Variants in LRRTM4 observed in about 807,000 individuals in gnomAD.
LRRTM4 encodes leucine-rich repeat transmembrane neuronal protein 4.
A neutral mutation model predicts 47.6 loss-of-function variants in LRRTM4; 25 were observed. The ratio of observed to expected loss-of-function variants is 0.53; its 90% CI spans 0.38 to 0.73. The LOEUF (loss-of-function observed/expected upper bound fraction) is 0.73, where lower values mean the gene tolerates loss of function less well. LRRTM4 is among the 30% of genes least tolerant of loss of function. LRRTM4 has a pLI of 0.00. For synonymous variants in LRRTM4, 311 were observed against 269.5 expected, an observed-to-expected ratio of 1.15 and a Z score of -1.51; for missense variants, 638 against 713.4, an observed-to-expected ratio of 0.89 and a Z score of 1.20.
rs777467809 is a variant in LRRTM4 at position 77,241,239 on chromosome 2, CACACACAT to C, written c.1551+277071_1551+277078del. Among the ~76,000 whole-genome samples the C allele has an allele frequency of 2.8e-3, 99 of 35,860 alleles. 2 individuals are homozygous for C. The highest frequency in any genetic ancestry group is 4.5e-3 in the Non-Finnish European group (62 of 13,756). The allele number at this position is 35,860 out of a possible 152,430, so 23.5% of individuals were successfully genotyped here. ...ACACACACACACACACACACACACA[CACACACAT>C]GGGTCTAGAAACAAACCTAAATATA... is the stretch of plus-strand genomic sequence containing the variant. On this transcript the variant is annotated intron_variant, in intron 3 of 3. Coordinates refer to ENST00000409884, the MANE Select transcript of LRRTM4 (RefSeq NM_001134745.3).
chr2:77,088,970 T>G (rs1680826942), intron 3 of LRRTM4, among the ~76,000 whole-genome samples: 1 of 152,006 alleles, frequency 6.6e-6, no homozygotes, highest in Admixed American at 6.6e-5. Context: ...GGAGACACGT[T>G]TTATCCGTGG....
At chr2:77,227,330 T>G (rs888780994) in intron 3 of LRRTM4, among the ~76,000 whole-genome samples, 6 of 152,036 alleles carry the variant, frequency 3.9e-5, no homozygotes, top group African/African-American at 1.4e-4. Context: ...TGAAATAAAT[T>G]TAGCACTAAT....
intron 3 of LRRTM4, among the ~76,000 whole-genome samples, chr2:76,936,154 C>A (rs1381197570): frequency 1.3e-5 from 2 of 152,090 alleles, no homozygotes; most frequent in Non-Finnish European, 2.9e-5. Flanking sequence ...TTTATTGTGG[C>A]ACTGTTCACA....
chr2:77,115,903 A>G (rs1181281181), intron 3 of LRRTM4, among the ~76,000 whole-genome samples: 1 of 151,934 alleles, frequency 6.6e-6, no homozygotes, highest in Non-Finnish European at 1.5e-5. Flanking sequence ...TGTTTTTCCT[A>G]TTCCCCCAGT....
intron 3 of LRRTM4, among the ~76,000 whole-genome samples, chr2:77,378,650 G>A (rs1291210769): frequency 6.6e-6 from 1 of 152,104 alleles, no homozygotes; most frequent in Non-Finnish European, 1.5e-5. Context: ...CTGTGATTGA[G>A]GTAACTTCAC....
intron 3 of LRRTM4, among the ~76,000 whole-genome samples, chr2:76,779,720 G>C (rs1398242225): frequency 1.3e-5 from 2 of 151,996 alleles, no homozygotes; most frequent in Admixed American, 6.6e-5. Context: ...TATCCAATTT[G>C]CCAGTCTGTG....
intron 3 of LRRTM4, among the ~76,000 whole-genome samples, chr2:76,899,694 G>A (rs1673555599): frequency 6.6e-6 from 1 of 152,102 alleles, no homozygotes; most frequent in Non-Finnish European, 1.5e-5. Context: ...TAGGAATATT[G>A]ATAGACTTTA....
chr2:77,404,230 C>G (rs983902714), intron 3 of LRRTM4, among the ~76,000 whole-genome samples: 46 of 151,890 alleles, frequency 3.0e-4, no homozygotes, highest in African/African-American at 1.1e-3. Context: ...ATATAGTCAC[C>G]TAACTAATTT....
chr2:77,022,934 C>T (rs746648275), intron 3 of LRRTM4, among the ~76,000 whole-genome samples: 2 of 152,208 alleles, frequency 1.3e-5, no homozygotes, highest in South Asian at 4.1e-4. Context: ...AGTAGGGACT[C>T]TGTGTGAGGG....
chr2:77,069,858 T>C (rs1220399054), intron 3 of LRRTM4, among the ~76,000 whole-genome samples: 1 of 152,202 alleles, frequency 6.6e-6, no homozygotes, highest in Non-Finnish European at 1.5e-5. Flanking sequence ...TAGTTATTCT[T>C]TGCCCAGCTT....
chr2:77,311,024 GGT>G (rs1240650466), intron 3 of LRRTM4, among the ~76,000 whole-genome samples: 2 of 150,976 alleles, frequency 1.3e-5, no homozygotes, highest in East Asian at 1.9e-4. Context: ...TTATGTGTGT[GGT>G]GTGTGTGTGT....
In LRRTM4 at chr2:76,892,246, T is replaced by C. The variant is rs903801298; in HGVS notation, c.1552-143330A>G. On this transcript the variant is annotated intron_variant, in intron 3 of 3. Coordinates refer to ENST00000409884, the MANE Select transcript of LRRTM4 (RefSeq NM_001134745.3). ...TAGGACAGTTAAATTACAACTCACATGTCTCGTTGGTCAATTTCCAATGGT... is the reference window on the plus strand; with the variant it reads ...TAGGACAGTTAAATTACAACTCACACGTCTCGTTGGTCAATTTCCAATGGT... Among the ~76,000 whole-genome samples, 8 of 151,734 alleles carry C rather than the reference T, an allele frequency of 5.3e-5. No individual in the cohort carries two copies. The East Asian group carries it at 7.7e-4, about 15-fold the overall frequency.
intron 3 of LRRTM4, among the ~76,000 whole-genome samples, chr2:77,400,480 C>T (rs1673907615): frequency 6.6e-6 from 1 of 151,736 alleles, no homozygotes; most frequent in Non-Finnish European, 1.5e-5. Flanking sequence ...AGTTCAATAC[C>T]CAAAGTATTT....
chr2:77,126,942 G>C (rs1489297126), intron 3 of LRRTM4, among the ~76,000 whole-genome samples: 2 of 152,184 alleles, frequency 1.3e-5, no homozygotes, highest in East Asian at 1.9e-4. Flanking sequence ...GCAAAGCCAA[G>C]GATTTGTGAA....
intron 3 of LRRTM4, among the ~76,000 whole-genome samples, chr2:76,795,838 C>T (rs1221347818): frequency 3.3e-5 from 5 of 152,028 alleles, no homozygotes; most frequent in Non-Finnish European, 1.5e-5. Flanking sequence ...AGGAACAGCT[C>T]CTGTCTACAG....
At chr2:77,489,737 T>A (rs1335704448) in intron 3 of LRRTM4, among the ~76,000 whole-genome samples, 2 of 152,160 alleles carry the variant, frequency 1.3e-5, no homozygotes, top group Non-Finnish European at 2.9e-5. Context: ...AAACCTAATA[T>A]TAGAGAACCA....
At chr2:77,046,845 T>C (rs1679252334) in intron 3 of LRRTM4, among the ~76,000 whole-genome samples, 1 of 151,988 alleles carries the variant, frequency 6.6e-6, no homozygotes, top group African/African-American at 2.4e-5. Context: ...GAGTTTGAAG[T>C]ATTCACAATG....
intron 3 of LRRTM4, among the ~76,000 whole-genome samples, chr2:77,474,450 G>A (rs750134670): frequency 7.9e-5 from 12 of 151,944 alleles, no homozygotes; most frequent in Non-Finnish European, 1.6e-4. Flanking sequence ...AATAGCCACA[G>A]AAACCTATTT....
intron 3 of LRRTM4, among the ~76,000 whole-genome samples, chr2:76,970,393 C>A (rs1262851185): frequency 6.6e-6 from 1 of 151,936 alleles, no homozygotes; most frequent in Admixed American, 6.6e-5. Flanking sequence ...GTGAAAAAAT[C>A]ATTCTCAGGA....
Sources: gnomAD v4.1 joint callset for allele counts (sites outside exome capture counted in the v4.1 genomes callset) on GRCh38, gnomAD v4.1.1 for gene constraint, MANE v1.5 for transcripts, NCBI Gene and HGNC (gene_info 2026-07-23, HGNC 2026-07-21) for gene names.